The following MAF variants were observed in gnomAD, a reference collection of about 807,000 sequenced individuals.
MAF encodes MAF bZIP transcription factor, also known as transcription factor Maf.
In MAF, 10 loss-of-function variants were observed where a neutral mutation model predicts 22.0. The observed-to-expected ratio is 0.45, with a 90% CI of 0.28 to 0.77. The LOEUF (loss-of-function observed/expected upper bound fraction) is 0.77. MAF is among the 30% of genes least tolerant of loss of function. The pLI, the probability that MAF is intolerant of heterozygous loss-of-function variation, is 0.12. For synonymous variants in MAF, 337 were observed against 255.8 expected (o/e 1.32, Z -3.03); for missense variants, 544 against 548.4 (o/e 0.99, Z 0.08).
At chr16:79,495,419 C>T in the MAF span, among the ~76,000 whole-genome samples, 1 of 152,158 alleles carries the variant, frequency 6.6e-6, no homozygotes, top group Non-Finnish European at 1.5e-5. Flanking sequence ...ACCCTGATCA[C>T]ACCACCACAC....
At chr16:79,203,489 C>A in the MAF span, 6 of 146,336 alleles carry the variant, frequency 4.1e-5, no homozygotes, top group Non-Finnish European at 7.4e-5. Context: ...CCAGCGGAGA[C>A]CTTGTGTTTT....
chr16:79,325,373 A>G, the MAF span, among the ~76,000 whole-genome samples: 2 of 152,186 alleles, frequency 1.3e-5, no homozygotes, highest in African/African-American at 4.8e-5. Flanking sequence ...TTCAGATGCA[A>G]TCTCATGGAA....
At chr16:79,384,032 T>G in the MAF span, among the ~76,000 whole-genome samples, 1 of 152,194 alleles carries the variant, frequency 6.6e-6, no homozygotes, top group Non-Finnish European at 1.5e-5. Context: ...TACCAAATCT[T>G]CAGCCAATTT....
chr16:79,263,287 G>A, the MAF span, among the ~76,000 whole-genome samples: 1 of 152,174 alleles, frequency 6.6e-6, no homozygotes, highest in African/African-American at 2.4e-5. Flanking sequence ...CTTCAAACTG[G>A]GGAAATTTTC....
the MAF span, among the ~76,000 whole-genome samples, chr16:79,242,768 A>G: frequency 1.3e-5 from 2 of 151,998 alleles, no homozygotes; most frequent in African/African-American, 4.8e-5. Context: ...TCAGCACCAC[A>G]TTGCACTTAT....
the MAF span, among the ~76,000 whole-genome samples, chr16:79,552,282 T>C: frequency 1.3e-5 from 2 of 152,064 alleles, no homozygotes; most frequent in South Asian, 4.1e-4. Flanking sequence ...TCAGCAACCA[T>C]GGCTCACCGA....
chr16:79,211,575 A>C, the MAF span: 1 of 1,613,876 alleles, frequency 6.2e-7, no homozygotes, highest in Non-Finnish European at 8.5e-7. Context: ...CTTTTCTTAA[A>C]ATTTTTTTTT....
the MAF span, among the ~76,000 whole-genome samples, chr16:79,314,033 G>T: frequency 2.2e-3 from 336 of 152,248 alleles, 1 homozygote; most frequent in African/African-American, 7.7e-3. Context: ...GACTACTTGC[G>T]GCCAGAATTT....
At chr16:79,549,160 G>C in the MAF span, among the ~76,000 whole-genome samples, 1 of 152,186 alleles carries the variant, frequency 6.6e-6, no homozygotes. Flanking sequence ...CTGTTTCAAA[G>C]GATGATGGTG....
the MAF span, among the ~76,000 whole-genome samples, chr16:79,252,857 A>T: frequency 1.3e-5 from 2 of 152,162 alleles, no homozygotes; most frequent in South Asian, 4.1e-4. Flanking sequence ...TAAGTCCTCA[A>T]GCCTCAGTTC....
At chr16:79,489,732 G>C in the MAF span, among the ~76,000 whole-genome samples, 1 of 152,348 alleles carries the variant, frequency 6.6e-6, no homozygotes, top group African/African-American at 2.4e-5. Context: ...AGAAGGCAAA[G>C]CTTCAGGGTA....
At chr16:79,466,865 G>A in the MAF span, among the ~76,000 whole-genome samples, 325 of 152,306 alleles carry the variant, frequency 2.1e-3, 1 homozygote, top group African/African-American at 7.6e-3. Context: ...GATAGCTGCA[G>A]TGTTCCATAT....
chr16:79,323,430 G>C, the MAF span, among the ~76,000 whole-genome samples: 11 of 152,054 alleles, frequency 7.2e-5, no homozygotes, highest in Non-Finnish European at 1.3e-4. Flanking sequence ...TGTTTCCTAT[G>C]TAAAACTGTA....
At chr16:79,514,691 A>C in the MAF span, among the ~76,000 whole-genome samples, 1 of 152,044 alleles carries the variant, frequency 6.6e-6, no homozygotes, top group South Asian at 2.1e-4. Context: ...CCCAATCTCC[A>C]TCCTTCTCTA....
chr16:79,331,639 AG>A, the MAF span, among the ~76,000 whole-genome samples: 12 of 152,134 alleles, frequency 7.9e-5, no homozygotes, highest in African/African-American at 2.9e-4. Context: ...TCCATACAAG[AG>A]CCACAGACAT....
the MAF span, among the ~76,000 whole-genome samples, chr16:79,333,773 C>A: frequency 6.6e-6 from 1 of 152,084 alleles, no homozygotes; most frequent in Non-Finnish European, 1.5e-5. Context: ...GATATCACCA[C>A]ATGCAGAAAC....
chr16:79,535,985 G>A, the MAF span, among the ~76,000 whole-genome samples: 1 of 152,150 alleles, frequency 6.6e-6, no homozygotes, highest in Admixed American at 6.5e-5. Flanking sequence ...TTCTCCCACA[G>A]TTGGCAGTAT....
the MAF span, among the ~76,000 whole-genome samples, chr16:79,404,784 C>T: frequency 6.6e-6 from 1 of 152,152 alleles, no homozygotes; most frequent in South Asian, 2.1e-4. Context: ...GTAAACTCAG[C>T]TTCCTGGTTT....
At chr16:79,216,901 C>A in the MAF span, among the ~76,000 whole-genome samples, 1 of 151,914 alleles carries the variant, frequency 6.6e-6, no homozygotes, top group Non-Finnish European at 1.5e-5. Context: ...CAGCCACCTC[C>A]GGGGTTCAAG....
Sources: allele counts gnomAD v4.1 joint callset (sites outside exome capture counted in the v4.1 genomes callset), GRCh38; gene constraint gnomAD v4.1.1; transcripts MANE v1.5; gene names NCBI Gene and HGNC (gene_info 2026-07-23, HGNC 2026-07-21).